SDC2: variants seen among roughly 807,000 people sequenced by gnomAD.
The protein encoded by SDC2 is syndecan-2.
SDC2 carries 13 observed loss-of-function variants against 22.2 expected under a neutral mutation model. The observed-to-expected ratio is 0.59, with a 90% CI of 0.38 to 0.93. The LOEUF (loss-of-function observed/expected upper bound fraction) is 0.93, where lower values mean the gene tolerates loss of function less well. Among genes scored for constraint, SDC2 ranks in the 40% least tolerant of loss-of-function variants. The pLI, the probability that SDC2 is intolerant of heterozygous loss-of-function variation, is 0.00. For synonymous variants in SDC2, 94 were observed against 92.8 expected, an observed-to-expected ratio of 1.01 and a Z score of -0.07; for missense variants, 235 against 246.8, an observed-to-expected ratio of 0.95 and a Z score of 0.32.
intron 1 of SDC2, among the ~76,000 whole-genome samples, chr8:96,564,888 G>GT (rs1425181946): frequency 6.6e-6 from 1 of 151,796 alleles, no homozygotes; most frequent in African/African-American, 2.4e-5. Context: ...GCTTTTAATT[G>GT]TTTGTTGTTA....
chr8:96,577,067 A>C (rs1814517114), intron 1 of SDC2, among the ~76,000 whole-genome samples: 1 of 152,186 alleles, frequency 6.6e-6, no homozygotes, highest in Admixed American at 6.5e-5. Context: ...CCTAGAGAAG[A>C]CTGAACTTTC....
intron 1 of SDC2, among the ~76,000 whole-genome samples, chr8:96,506,895 G>A (rs1431395450): frequency 1.3e-5 from 2 of 151,940 alleles, no homozygotes; most frequent in African/African-American, 4.8e-5. Context: ...TGTAGTCCCA[G>A]CTACTCGGGA....
chr8:96,609,277 T>C (rs565327298), intron 4 of SDC2, 108 bp from the exon 5 acceptor site: 3 of 903,350 alleles, frequency 3.3e-6, no homozygotes, highest in South Asian at 5.8e-5. Flanking sequence ...ATTGGGGTTT[T>C]CAAATTAAGC....
intron 1 of SDC2, among the ~76,000 whole-genome samples, chr8:96,573,787 T>G (rs991561297): frequency 6.6e-5 from 10 of 152,084 alleles, no homozygotes; most frequent in Non-Finnish European, 2.9e-5. Flanking sequence ...CCAAACACAG[T>G]TTTGACCTTC....
At position 96,611,572 on chromosome 8, in the gene SDC2, C is replaced by T. The variant is rs186740305; in HGVS notation, c.*2024C>T. 12 of 152,696 alleles carry T rather than the reference C, an allele frequency of 7.9e-5. No homozygotes were observed. The highest frequency in any genetic ancestry group is 5.2e-4 in the Admixed American group (8 of 15,294). 9.5% of individuals were successfully genotyped at this position (152,696 alleles called of 1,614,324 possible). A position where few individuals can be genotyped will look rare whatever the true frequency, so the allele number is the denominator to read the frequency against. On this transcript the variant is annotated 3_prime_UTR_variant, in exon 5 of 5. Transcript: ENST00000302190. ...ACGATAGCCTAGCTTTCTAAAGCCA[C>T]GCTGTGTCCCTCAATTACAGAGGGT...
chr8:96,574,355 C>A (rs1035904536), intron 1 of SDC2, among the ~76,000 whole-genome samples: 2 of 152,172 alleles, frequency 1.3e-5, no homozygotes, highest in African/African-American at 4.8e-5. Flanking sequence ...ACCAAAACAT[C>A]TGCTTTATCA....
At chr8:96,554,028 A>G (rs1249749749) in intron 1 of SDC2, among the ~76,000 whole-genome samples, 1 of 152,082 alleles carries the variant, frequency 6.6e-6, no homozygotes, top group Non-Finnish European at 1.5e-5. Flanking sequence ...GGAATCAAAC[A>G]ATCTGCCTTG....
intron 1 of SDC2, among the ~76,000 whole-genome samples, chr8:96,575,005 G>A (rs193158572): frequency 2.2e-4 from 33 of 152,234 alleles, no homozygotes; most frequent in Non-Finnish European, 4.4e-4. Flanking sequence ...AATAGGGTTC[G>A]TGCTCCTATG....
At chr8:96,528,475 A>G (rs1813612914) in intron 1 of SDC2, among the ~76,000 whole-genome samples, 1 of 152,208 alleles carries the variant, frequency 6.6e-6, no homozygotes, top group African/African-American at 2.4e-5. Flanking sequence ...TCATAACAAT[A>G]TGGTTAGATT....
At chr8:96,526,014 C>A (rs1218671501) in intron 1 of SDC2, among the ~76,000 whole-genome samples, 1 of 152,032 alleles carries the variant, frequency 6.6e-6, no homozygotes, top group African/African-American at 2.4e-5. Flanking sequence ...TGAATGGAGG[C>A]TTATCAAAGC....
intron 1 of SDC2, among the ~76,000 whole-genome samples, chr8:96,592,621 G>A (rs1814800883): frequency 1.3e-5 from 2 of 151,988 alleles, no homozygotes; most frequent in African/African-American, 4.8e-5. Context: ...TTCTTCTTTT[G>A]GCAGGATTAG....
intron 1 of SDC2, among the ~76,000 whole-genome samples, chr8:96,520,952 A>G (rs1416032664): frequency 6.6e-6 from 1 of 152,184 alleles, no homozygotes; most frequent in Non-Finnish European, 1.5e-5. Flanking sequence ...ATTTGAGAGA[A>G]CAATCTAGGA....
At chr8:96,519,082 G>A (rs1177914115) in intron 1 of SDC2, among the ~76,000 whole-genome samples, 3 of 152,128 alleles carry the variant, frequency 2.0e-5, no homozygotes, top group African/African-American at 7.2e-5. Context: ...ACAATTTTCT[G>A]TATCTAAGTT....
intron 1 of SDC2, among the ~76,000 whole-genome samples, chr8:96,588,207 T>A (rs1232374787): frequency 1.3e-5 from 2 of 152,164 alleles, no homozygotes; most frequent in South Asian, 2.1e-4. Flanking sequence ...TTTGAGCTAC[T>A]TTGCTACTCT....
intron 1 of SDC2, among the ~76,000 whole-genome samples, chr8:96,528,473 A>T (rs1164621614): frequency 6.6e-6 from 1 of 152,198 alleles, no homozygotes; most frequent in Admixed American, 6.5e-5. Context: ...GCTCATAACA[A>T]TATGGTTAGA....
intron 1 of SDC2, chr8:96,529,385 A>C (rs1174008637): frequency 1.3e-5 from 2 of 152,214 alleles, no homozygotes; most frequent in African/African-American, 2.4e-5. Flanking sequence ...CGCCTCATTC[A>C]AATTTACTGT....
At chr8:96,602,579 C>T in intron 3 of SDC2, 51 bp downstream of exon 3, 2 of 1,594,708 alleles carry the variant, frequency 1.3e-6, no homozygotes, top group Middle Eastern at 1.7e-4. Flanking sequence ...ACAAATGCTT[C>T]ACTTTACTGA....
At chr8:96,515,368 T>G (rs1324081090) in intron 1 of SDC2, among the ~76,000 whole-genome samples, 1 of 152,236 alleles carries the variant, frequency 6.6e-6, no homozygotes, top group African/African-American at 2.4e-5. Flanking sequence ...TGACTAACCA[T>G]TTCCTCTCTT....
At chr8:96,525,089 A>G (rs1382504748) in intron 1 of SDC2, among the ~76,000 whole-genome samples, 4 of 152,192 alleles carry the variant, frequency 2.6e-5, no homozygotes, top group African/African-American at 9.7e-5. Context: ...AATGATTGGA[A>G]GCCCTGCTCT....
Sources: allele counts gnomAD v4.1 joint callset (sites outside exome capture counted in the v4.1 genomes callset), GRCh38; gene constraint gnomAD v4.1.1; transcripts MANE v1.5; gene names NCBI Gene and HGNC (gene_info 2026-07-23, HGNC 2026-07-21).